Variants in LINGO2 observed in about 807,000 individuals in gnomAD.
LINGO2 encodes the protein leucine-rich repeat and immunoglobulin-like domain-containing nogo receptor-interacting protein 2.
In LINGO2, 14 loss-of-function variants were observed where a neutral mutation model predicts 30.6. The ratio of observed to expected loss-of-function variants is 0.46; its 90% CI spans 0.30 to 0.72. The LOEUF is 0.72. Among genes scored for constraint, LINGO2 ranks in the 30% least tolerant of loss-of-function variants. The probability of loss-of-function intolerance (pLI) is 0.07; values close to 1 mark genes in which losing one functional copy is unlikely to be tolerated. For missense variants in LINGO2, 729 were observed against 751.7 expected (o/e 0.97, Z 0.35); for synonymous variants, 317 against 288.5 (o/e 1.10, Z -1.00).
chr9:29,208,921 C>T, the LINGO2 span, among the ~76,000 whole-genome samples: 1,158 of 152,194 alleles, frequency 7.6e-3, 12 homozygotes, highest in Non-Finnish European at 8.6e-3. Flanking sequence ...CTAGGATCTT[C>T]TCTCTTGAGG....
At chr9:28,876,568 A>G in the LINGO2 span, among the ~76,000 whole-genome samples, 1 of 152,134 alleles carries the variant, frequency 6.6e-6, no homozygotes, top group South Asian at 2.1e-4. Flanking sequence ...TGTCCCTACA[A>G]AGGACATGAG....
At chr9:28,512,874 G>A (rs1820467937) in intron 1 of LINGO2, among the ~76,000 whole-genome samples, 2 of 151,442 alleles carry the variant, frequency 1.3e-5, no homozygotes, top group African/African-American at 2.4e-5. Context: ...CTAGTCCAGT[G>A]TCTCTCTCCC....
chr9:28,511,940 C>T (rs1248655415), intron 1 of LINGO2, among the ~76,000 whole-genome samples: 1 of 152,258 alleles, frequency 6.6e-6, no homozygotes, highest in Non-Finnish European at 1.5e-5. Context: ...CATGAAAAAC[C>T]GTCTGTGAAC....
chr9:29,153,651 A>G, the LINGO2 span, among the ~76,000 whole-genome samples: 1 of 152,170 alleles, frequency 6.6e-6, no homozygotes, highest in African/African-American at 2.4e-5. Flanking sequence ...TTTTTGAAAA[A>G]ATACACCCAA....
the LINGO2 span, among the ~76,000 whole-genome samples, chr9:29,148,790 T>A: frequency 1.3e-5 from 2 of 152,106 alleles, no homozygotes; most frequent in African/African-American, 4.8e-5. Context: ...AGGAGACAAT[T>A]TTCTCTACAA....
intron 3 of LINGO2, among the ~76,000 whole-genome samples, chr9:28,342,851 C>T (rs16912711): frequency 0.15 from 22,753 of 152,068 alleles, 1,983 homozygotes; most frequent in African/African-American, 0.21. Context: ...TGAGCATTTT[C>T]TCCTCATTTA....
At chr9:28,036,450 C>G (rs999705496) in intron 4 of LINGO2, among the ~76,000 whole-genome samples, 1 of 151,830 alleles carries the variant, frequency 6.6e-6, no homozygotes, top group East Asian at 1.9e-4. Flanking sequence ...CCAGGAAAAC[C>G]AGGAAGATTT....
chr9:29,167,602 T>C, the LINGO2 span, among the ~76,000 whole-genome samples: 1 of 152,104 alleles, frequency 6.6e-6, no homozygotes, highest in Non-Finnish European at 1.5e-5. Context: ...TTTTCTACTA[T>C]TGAGATAAAG....
intron 3 of LINGO2, among the ~76,000 whole-genome samples, chr9:28,347,145 T>G (rs914474492): frequency 3.3e-5 from 5 of 152,204 alleles, no homozygotes; most frequent in African/African-American, 1.2e-4. Flanking sequence ...TGTGAATCCA[T>G]GGTTACATTT....
chr9:28,055,741 AAG>A (rs1824904992), intron 4 of LINGO2, among the ~76,000 whole-genome samples: 1 of 152,174 alleles, frequency 6.6e-6, no homozygotes, highest in Admixed American at 6.6e-5. Flanking sequence ...ACTCAAAGAC[AAG>A]TCTCTCTTGG....
intron 3 of LINGO2, among the ~76,000 whole-genome samples, chr9:28,305,846 C>G (rs556184792): frequency 4.6e-5 from 7 of 152,176 alleles, no homozygotes; most frequent in African/African-American, 1.7e-4. Context: ...TTTAATTTCT[C>G]TGGCTCCTTG....
chr9:28,574,852 T>A (rs1371855964), intron 1 of LINGO2, among the ~76,000 whole-genome samples: 1 of 152,200 alleles, frequency 6.6e-6, no homozygotes, highest in Non-Finnish European at 1.5e-5. Flanking sequence ...CTCACTCTCA[T>A]TTTAAAAAGA....
chr9:28,266,965 A>C (rs1383848372), intron 4 of LINGO2, among the ~76,000 whole-genome samples: 2 of 152,036 alleles, frequency 1.3e-5, no homozygotes, highest in African/African-American at 4.8e-5. Context: ...CAAACCTGTC[A>C]CCAAAGTACA....
intron 4 of LINGO2, among the ~76,000 whole-genome samples, chr9:28,044,437 T>G (rs2133009925): frequency 6.6e-6 from 1 of 152,288 alleles, no homozygotes; most frequent in East Asian, 1.9e-4. Flanking sequence ...GCATCATGGA[T>G]CAGCTGTAAG....
chr9:28,649,487 C>T (rs1318761246), intron 1 of LINGO2, among the ~76,000 whole-genome samples: 3 of 152,000 alleles, frequency 2.0e-5, no homozygotes, highest in Non-Finnish European at 4.4e-5. Context: ...CTTAGATTGC[C>T]CTGCCCTAAC....
rs1226942253 is a variant in LINGO2 at position 28,230,282 on chromosome 9, A to T, written c.-87+64926T>A. ...TGGTTCTGTAAAAAAATAAAAATAC[A>T]GGTAAACTCCACTAAGTAAGCTACT... On this transcript the variant is annotated intron_variant, in intron 4 of 5. Coordinates refer to ENST00000379992, the Ensembl canonical transcript of LINGO2. 2.0e-5 allele frequency among the ~76,000 whole-genome samples: 3 copies of T among 151,884 alleles called. No individual in the cohort carries two copies. In the East Asian group the frequency reaches 5.8e-4, roughly 29 times the overall value.
intron 3 of LINGO2, among the ~76,000 whole-genome samples, chr9:28,356,299 C>T (rs1458930623): frequency 6.6e-6 from 1 of 152,062 alleles, no homozygotes; most frequent in African/African-American, 2.4e-5. Flanking sequence ...AATCATTTCT[C>T]CCTTTGTATT....
chr9:28,484,911 T>C (rs1212760937), intron 1 of LINGO2, among the ~76,000 whole-genome samples: 1 of 152,062 alleles, frequency 6.6e-6, no homozygotes, highest in African/African-American at 2.4e-5. Flanking sequence ...GTCTCCAAAA[T>C]ATTGAACTCT....
chr9:28,900,341 CA>C, the LINGO2 span, among the ~76,000 whole-genome samples: 1 of 152,178 alleles, frequency 6.6e-6, no homozygotes, highest in Non-Finnish European at 1.5e-5. Context: ...AGGCTTATCT[CA>C]GGGTCTATTT....
Sources: allele counts gnomAD v4.1 joint callset (sites outside exome capture counted in the v4.1 genomes callset), GRCh38; gene constraint gnomAD v4.1.1; transcripts MANE v1.5; gene names NCBI Gene and HGNC (gene_info 2026-07-23, HGNC 2026-07-21).